Variants in MACROD2 observed in about 807,000 individuals in gnomAD.
MACROD2 encodes mono-ADP ribosylhydrolase 2.
Under a neutral mutation model 70.4 loss-of-function variants are expected in MACROD2, and 36 were observed. That is an observed-to-expected ratio of 0.51 (90% CI 0.39 to 0.68). The LOEUF (loss-of-function observed/expected upper bound fraction) is 0.68. Among genes scored for constraint, MACROD2 ranks in the 30% least tolerant of loss-of-function variants. MACROD2 has a pLI of 0.00. For synonymous variants in MACROD2, 172 were observed against 178.8 expected (o/e 0.96, Z 0.30); for missense variants, 496 against 538.4 (o/e 0.92, Z 0.78).
chr20:14,456,120 A>C (rs2084299373), intron 3 of MACROD2, among the ~76,000 whole-genome samples: 1 of 151,856 alleles, frequency 6.6e-6, no homozygotes, highest in Non-Finnish European at 1.5e-5. Flanking sequence ...TAGCATATTA[A>C]TAAGGATTTC....
chr20:16,028,867 A>T (rs1401688058), intron 15 of MACROD2, among the ~76,000 whole-genome samples: 2 of 152,218 alleles, frequency 1.3e-5, no homozygotes, highest in African/African-American at 4.8e-5. Flanking sequence ...GATGGCATAC[A>T]ATCAATTGTA....
At chr20:15,723,119 A>C (rs1040167233) in intron 8 of MACROD2, among the ~76,000 whole-genome samples, 10 of 152,206 alleles carry the variant, frequency 6.6e-5, no homozygotes, top group Non-Finnish European at 1.0e-4. Context: ...ATCTTAAAAA[A>C]GAAAAAACTT....
chr20:15,436,710 G>C (rs966728185), intron 7 of MACROD2, among the ~76,000 whole-genome samples: 1 of 118,748 alleles, frequency 8.4e-6, no homozygotes, highest in Non-Finnish European at 1.7e-5. Flanking sequence ...AACCAGATAA[G>C]TTTTCTTTCA....
intron 5 of MACROD2, among the ~76,000 whole-genome samples, chr20:14,733,427 A>G (rs1484221070): frequency 6.6e-6 from 1 of 152,192 alleles, no homozygotes; most frequent in Non-Finnish European, 1.5e-5. Flanking sequence ...CAGAATATAC[A>G]TAAACATTTA....
chr20:15,353,460 A>T (rs912949194), intron 6 of MACROD2, among the ~76,000 whole-genome samples: 3 of 152,110 alleles, frequency 2.0e-5, no homozygotes, highest in Admixed American at 6.5e-5. Flanking sequence ...CTTCTTGTCT[A>T]AAACACCAAA....
At chr20:15,774,254 T>C (rs1470125504) in intron 8 of MACROD2, among the ~76,000 whole-genome samples, 1 of 152,158 alleles carries the variant, frequency 6.6e-6, no homozygotes, top group Non-Finnish European at 1.5e-5. Context: ...AGGGAAGTTA[T>C]AGGAAAGTAG....
intron 5 of MACROD2, among the ~76,000 whole-genome samples, chr20:15,002,191 C>T (rs1481559683): frequency 6.6e-6 from 1 of 152,152 alleles, no homozygotes; most frequent in African/African-American, 2.4e-5. Flanking sequence ...AATCTCTGTA[C>T]TGTTTGCCGT....
chr20:15,662,841 G>A (rs780592905), intron 8 of MACROD2, among the ~76,000 whole-genome samples: 50 of 151,798 alleles, frequency 3.3e-4, no homozygotes, highest in Non-Finnish European at 6.8e-4. Flanking sequence ...GATGAGTGGG[G>A]CCTTATGGGG....
chr20:15,613,191 T>C (rs2048993433), intron 8 of MACROD2, among the ~76,000 whole-genome samples: 1 of 152,220 alleles, frequency 6.6e-6, no homozygotes, highest in South Asian at 2.1e-4. Flanking sequence ...CTCTTCATGT[T>C]GATAGGCAGT....
intron 5 of MACROD2, among the ~76,000 whole-genome samples, chr20:15,070,737 C>T (rs1568558822): frequency 6.6e-6 from 1 of 152,072 alleles, no homozygotes; most frequent in Non-Finnish European, 1.5e-5. Flanking sequence ...ATCGTGGTAC[C>T]ATGCTTGCAC....
chr20:15,548,802 G>C (rs1033519158), intron 8 of MACROD2, among the ~76,000 whole-genome samples: 1 of 152,140 alleles, frequency 6.6e-6, no homozygotes, highest in Non-Finnish European at 1.5e-5. Context: ...ACCTTCCTTG[G>C]GGGAAGTCAG....
intron 5 of MACROD2, among the ~76,000 whole-genome samples, chr20:15,119,200 C>CT (rs1263111552): frequency 6.6e-6 from 1 of 152,176 alleles, no homozygotes; most frequent in Non-Finnish European, 1.5e-5. Context: ...GGAGTGGTCT[C>CT]TTGCCAGCTT....
At chr20:14,656,961 C>T (rs1986007910) in intron 4 of MACROD2, among the ~76,000 whole-genome samples, 1 of 152,114 alleles carries the variant, frequency 6.6e-6, no homozygotes, top group African/African-American at 2.4e-5. Flanking sequence ...TCTCACATGG[C>T]TGCTGTACAT....
chr20:15,219,787 G>C (rs34976865), intron 5 of MACROD2, among the ~76,000 whole-genome samples: 1 of 152,124 alleles, frequency 6.6e-6, no homozygotes, highest in Non-Finnish European at 1.5e-5. Flanking sequence ...AATGTGAATA[G>C]TGAGCCCATT....
At chr20:15,332,970 C>T (rs550810414) in intron 6 of MACROD2, among the ~76,000 whole-genome samples, 26 of 151,600 alleles carry the variant, frequency 1.7e-4, no homozygotes, top group Non-Finnish European at 3.2e-4. Flanking sequence ...TTCTGTTAGT[C>T]TGAGACCTGT....
At chr20:14,583,399 C>T (rs1395616878) in intron 4 of MACROD2, among the ~76,000 whole-genome samples, 2 of 152,182 alleles carry the variant, frequency 1.3e-5, no homozygotes, top group African/African-American at 4.8e-5. Flanking sequence ...GGCATCTGTA[C>T]TTTTCTCAGC....
At chr20:14,980,998 C>A (rs2074792055) in intron 5 of MACROD2, among the ~76,000 whole-genome samples, 1 of 151,172 alleles carries the variant, frequency 6.6e-6, no homozygotes, top group Admixed American at 6.6e-5. Flanking sequence ...AGAGTGCAGC[C>A]AGAAGGATCC....
rs35259261 is a variant in MACROD2 at position 15,968,797 on chromosome 20, GTATATATATATATATATA to G, written c.985+1192_985+1209del. On this transcript the variant is annotated intron_variant, in intron 13 of 17. Transcript: ENST00000684519. ...AAACATATAATATTATATATTATGCGTATATATATATATATATATATATATATATATATATATATATAC... is the reference window on the plus strand; with the variant it reads ...AAACATATAATATTATATATTATGCGTATATATATATATATATATATATAC... Among the ~76,000 whole-genome samples, 836 of 106,812 alleles carry G rather than the reference GTATATATATATATATATA, an allele frequency of 7.8e-3. 11 individuals carry two copies. The highest frequency in any genetic ancestry group is 0.025 in the African/African-American group (741 of 29,522). The allele number at this position is 106,812 out of a possible 152,430, so 70.1% of individuals were successfully genotyped here.
chr20:14,357,316 C>G (rs1028045621), intron 3 of MACROD2, among the ~76,000 whole-genome samples: 1 of 152,152 alleles, frequency 6.6e-6, no homozygotes, highest in African/African-American at 2.4e-5. Flanking sequence ...GGACTTTTTA[C>G]TAAATGCAGA....
Sources: gnomAD v4.1 joint callset for allele counts (sites outside exome capture counted in the v4.1 genomes callset) on GRCh38, gnomAD v4.1.1 for gene constraint, MANE v1.5 for transcripts, NCBI Gene and HGNC (gene_info 2026-07-23, HGNC 2026-07-21) for gene names.